Variants in ERICH3 observed in about 807,000 individuals in gnomAD.
The protein encoded by ERICH3 is glutamate-rich protein 3.
ERICH3 carries 126 observed loss-of-function variants against 131.1 expected under a neutral mutation model. That is an observed-to-expected ratio of 0.96 (90% CI 0.83 to 1.11). The LOEUF (loss-of-function observed/expected upper bound fraction) is 1.11. ERICH3 is among the 50% of genes most tolerant of loss of function. The pLI is 0.00. For missense variants in ERICH3, 2,050 were observed against 1,810.7 expected (o/e 1.13, Z -2.40); for synonymous variants, 695 against 644.6 (o/e 1.08, Z -1.18).
chr1:74,581,482 T>G (rs1647181704), intron 12 of ERICH3, among the ~76,000 whole-genome samples: 1 of 152,170 alleles, frequency 6.6e-6, no homozygotes, highest in Non-Finnish European at 1.5e-5. Flanking sequence ...TAATTAATTA[T>G]CCAGTGAATT....
chr1:74,620,916 T>C lies in ERICH3; in HGVS notation c.820-2A>G. On this transcript the variant is annotated splice_acceptor_variant, in intron 7 of 14. Coordinates refer to ENST00000326665, the MANE Select transcript of ERICH3 (RefSeq NM_001002912.5). LOFTEE classifies it high-confidence loss of function. The stretch of plus-strand genomic sequence containing the variant: ...TGTTTTATGAATCCTTCTTGAATCC[T>C]GAAATAAACAGAAAAATGAGGCTTA... 6.4e-7 allele frequency: 1 copy of C among 1,565,144 alleles called. No homozygotes were observed.
chr1:74,585,716 T>C (rs958690725), intron 12 of ERICH3, among the ~76,000 whole-genome samples: 3 of 152,046 alleles, frequency 2.0e-5, no homozygotes, highest in Non-Finnish European at 2.9e-5. Flanking sequence ...CCCTCTTTCA[T>C]TTCTACCTAC....
At chr1:74,625,106 C>T (rs1238924177) in intron 7 of ERICH3, 2 of 151,982 alleles carry the variant, frequency 1.3e-5, no homozygotes, top group Non-Finnish European at 2.9e-5. Context: ...TGGATGGATC[C>T]CTGACCAATG....
chr1:74,587,055 G>T (rs1201555831), intron 12 of ERICH3, among the ~76,000 whole-genome samples: 1 of 152,124 alleles, frequency 6.6e-6, no homozygotes, highest in Admixed American at 6.5e-5. Context: ...GCTGGGCATG[G>T]TGGCTCATGC....
chr1:74,652,000 T>C (rs964809020), intron 1 of ERICH3, among the ~76,000 whole-genome samples: 3 of 152,156 alleles, frequency 2.0e-5, no homozygotes, highest in African/African-American at 7.2e-5. Flanking sequence ...GGTTGAAACC[T>C]TTTTACACAT....
intron 12 of ERICH3, among the ~76,000 whole-genome samples, chr1:74,581,817 G>A (rs1647187350): frequency 1.3e-5 from 2 of 152,122 alleles, no homozygotes; most frequent in Admixed American, 1.3e-4. Context: ...CTTCTTGAAT[G>A]CTCTTAAATC....
chr1:74,577,027 G>T (rs1157871228), intron 12 of ERICH3, 91 bp from the exon 13 acceptor site: 14 of 1,158,776 alleles, frequency 1.2e-5, no homozygotes, highest in Non-Finnish European at 1.6e-5. Flanking sequence ...GGTCAGTTAA[G>T]GCAAATTCAC....
chr1:74,645,859 T>C (rs559088915), intron 3 of ERICH3, among the ~76,000 whole-genome samples: 88 of 152,192 alleles, frequency 5.8e-4, no homozygotes, highest in African/African-American at 2.0e-3. Flanking sequence ...AGACTTCATA[T>C]TGGTTTACTG....
chr1:74,629,871 G>A (rs1297082220), intron 7 of ERICH3, among the ~76,000 whole-genome samples: 1 of 152,076 alleles, frequency 6.6e-6, no homozygotes, highest in Admixed American at 6.6e-5. Context: ...AGAAAAGCAG[G>A]GACATAGTTC....
intron 1 of ERICH3, among the ~76,000 whole-genome samples, chr1:74,671,251 C>T (rs1056852636): frequency 6.7e-6 from 1 of 150,100 alleles, no homozygotes; most frequent in African/African-American, 2.5e-5. Flanking sequence ...AGTAGTTCTG[C>T]TTTTGCCCTT....
chr1:74,669,308 AT>A (rs35062310), intron 1 of ERICH3, among the ~76,000 whole-genome samples: 67,946 of 151,892 alleles, frequency 0.45, 17,596 homozygotes, highest in African/African-American at 0.73. Context: ...TGTCTTCTGC[AT>A]TTTTTTTCTT....
At chr1:74,578,115 T>A (rs1282769594) in intron 12 of ERICH3, 2 of 152,330 alleles carry the variant, frequency 1.3e-5, no homozygotes, top group African/African-American at 4.8e-5. Context: ...ACTAACCATA[T>A]CACATTGAGT....
chr1:74,672,979 T>C (rs1412799300), intron 1 of ERICH3, among the ~76,000 whole-genome samples: 2 of 152,156 alleles, frequency 1.3e-5, no homozygotes, highest in Non-Finnish European at 2.9e-5. Flanking sequence ...AAGACCCTTA[T>C]GGTCCTTTTG....
chr1:74,610,686 G>A (rs1462862441), intron 9 of ERICH3, among the ~76,000 whole-genome samples: 1 of 151,648 alleles, frequency 6.6e-6, no homozygotes, highest in East Asian at 1.9e-4. Flanking sequence ...ATTCTTTATA[G>A]CAAAACTCTT....
intron 8 of ERICH3, among the ~76,000 whole-genome samples, chr1:74,614,973 A>T (rs1648892417): frequency 6.6e-6 from 1 of 152,142 alleles, no homozygotes; most frequent in South Asian, 2.1e-4. Flanking sequence ...CATGCTCCAT[A>T]ACTTCCTAAG....
chr1:74,602,471 A>G (rs1460165015), intron 10 of ERICH3, among the ~76,000 whole-genome samples: 1 of 151,942 alleles, frequency 6.6e-6, no homozygotes, highest in Non-Finnish European at 1.5e-5. Context: ...CTTGTTGTTT[A>G]CCATCCCCAC....
rs551324841 is a variant in ERICH3, at chr1:74,590,317, G to T, written c.1727-237C>A. On this transcript the variant is annotated intron_variant, in intron 11 of 14. Coordinates refer to ENST00000326665, the MANE Select transcript of ERICH3 (RefSeq NM_001002912.5). ...GGTTGAGTGGGGATGGTTTTGGGAT[G>T]ATTCAAGTGCATTACATTTATTGTG... Among the ~76,000 whole-genome samples, 93 of 152,210 alleles carry T rather than the reference G, an allele frequency of 6.1e-4. No individual in the cohort carries two copies. The South Asian group carries it at 0.019, about 31-fold the overall frequency.
Position 74,572,646 on chromosome 1 carries a change from C to T in ERICH3, c.3064G>A (p.Ala1022Thr), listed in dbSNP as rs372393307. ...SPEEGSLAKE[A>T]FLCKEDVEGE... ...TCCACATCTTCCTTGCAAAGGAAGG[C>T]TTCCTTTGCAAGGCTTCCTTCCTCA... The change falls in exon 14 of 15, where the codon GCC becomes ACC. Residue 1022 changes from alanine (A) to threonine (T), a missense_variant. By Grantham distance (58) the Ala-to-Thr change is moderately conservative (BLOSUM62 0). Transcript: ENST00000326665. 1.9e-6 allele frequency: 3 copies of T among 1,613,888 alleles called. No homozygotes were observed. In the African/African-American group the frequency reaches 4.0e-5, roughly 22 times the overall value.
chr1:74,573,596 T>C (rs2100516044), intron 13 of ERICH3, 105 bp from the exon 14 acceptor site: 1 of 1,274,014 alleles, frequency 7.8e-7, no homozygotes, highest in Non-Finnish European at 1.0e-6. Flanking sequence ...GATATTTATA[T>C]GTGATATCAA....
Sources: gnomAD v4.1 joint callset for allele counts (sites outside exome capture counted in the v4.1 genomes callset) on GRCh38, gnomAD v4.1.1 for gene constraint, MANE v1.5 for transcripts, NCBI Gene and HGNC (gene_info 2026-07-23, HGNC 2026-07-21) for gene names.